Variants in DMD observed in about 807,000 individuals in gnomAD.
The protein encoded by DMD is dystrophin.
DMD carries 63 observed loss-of-function variants against 330.1 expected under a neutral mutation model. The observed-to-expected ratio is 0.19, with a 90% CI of 0.16 to 0.24. DMD has a LOEUF of 0.24. Among genes scored for constraint, DMD ranks in the 10% least tolerant of loss-of-function variants. The probability of loss-of-function intolerance (pLI) is 1.00; values close to 1 mark genes in which losing one functional copy is unlikely to be tolerated. For synonymous variants in DMD, 1,223 were observed against 959.8 expected (o/e 1.27, Z -5.07); for missense variants, 3,344 against 2,684.1 (o/e 1.25, Z -5.43).
At chrX:31,576,289 T>C (rs1016042723) in intron 55 of DMD, among the ~76,000 whole-genome samples, 1 of 112,203 alleles carries the variant, frequency 8.9e-6, no homozygotes, top group Non-Finnish European at 1.9e-5. Context: ...TAGGCAAGTA[T>C]GTTTTATAGC....
chrX:31,479,916 TCGTGAGGTATAC>T (rs369781738), intron 57 of DMD, among the ~76,000 whole-genome samples: 5 of 111,876 alleles, frequency 4.5e-5, no homozygotes, highest in African/African-American at 1.6e-4. Context: ...GCTAAAAGGA[TCGTGAGGTATAC>T]CGTGAGCCTA....
chrX:32,655,384 T>A (rs1358179357), intron 9 of DMD, among the ~76,000 whole-genome samples: 6 of 112,488 alleles, frequency 5.3e-5, no homozygotes, highest in Non-Finnish European at 9.4e-5. Context: ...TCTGCCTTCA[T>A]TTCGTTATGT....
chrX:32,574,088 T>C (rs922675337), intron 13 of DMD, among the ~76,000 whole-genome samples: 1 of 111,924 alleles, frequency 8.9e-6, no homozygotes, highest in Non-Finnish European at 1.9e-5. Flanking sequence ...GTGGTTATTA[T>C]ACCACTATAT....
intron 12 of DMD, among the ~76,000 whole-genome samples, chrX:32,610,402 C>T (rs954698664): frequency 9.0e-6 from 1 of 111,033 alleles, no homozygotes; most frequent in Non-Finnish European, 1.9e-5. Flanking sequence ...TACCTAATTG[C>T]CAGGTTCAGT....
chrX:32,381,872 A>G (rs1309400111), intron 33 of DMD, among the ~76,000 whole-genome samples: 1 of 111,069 alleles, frequency 9.0e-6, no homozygotes, highest in East Asian at 2.8e-4. Context: ...CAGAAACAGC[A>G]TGATGGAATG....
chrX:32,708,463 A>G (rs1212774231), intron 7 of DMD, among the ~76,000 whole-genome samples: 18 of 111,546 alleles, frequency 1.6e-4, no homozygotes, highest in Non-Finnish European at 3.2e-4. Context: ...GAGTCATATT[A>G]GTATCTTGCA....
intron 7 of DMD, among the ~76,000 whole-genome samples, chrX:32,778,272 C>T (rs779381605): frequency 1.9e-5 from 2 of 106,244 alleles, no homozygotes; most frequent in African/African-American, 3.4e-5. Context: ...TATGGACTTT[C>T]GTCTAGGGTG....
At chrX:32,100,473 T>C (rs1426429197) in intron 44 of DMD, among the ~76,000 whole-genome samples, 1 of 109,812 alleles carries the variant, frequency 9.1e-6, no homozygotes, top group East Asian at 2.9e-4. Context: ...AGCCATGTTT[T>C]CTGTATTAAC....
At chrX:32,340,869 C>A (rs761082968) in intron 41 of DMD, among the ~76,000 whole-genome samples, 5 of 111,667 alleles carry the variant, frequency 4.5e-5, no homozygotes, top group Admixed American at 9.5e-5. Flanking sequence ...ACTTCACATG[C>A]AATACAGTTT....
intron 60 of DMD, among the ~76,000 whole-genome samples, chrX:31,423,575 T>C (rs765099146): frequency 1.8e-5 from 2 of 111,799 alleles, no homozygotes; most frequent in Non-Finnish European, 3.8e-5. Context: ...ACTAAATTAG[T>C]AACATGAGAT....
chrX:32,988,053 TTTC>T (rs1187535749), intron 2 of DMD, among the ~76,000 whole-genome samples: 5 of 110,989 alleles, frequency 4.5e-5, no homozygotes, highest in Non-Finnish European at 9.4e-5. Context: ...TAATATCGGT[TTTC>T]TTTTTTTACA....
intron 55 of DMD, among the ~76,000 whole-genome samples, chrX:31,627,247 A>G (rs769616117): frequency 8.8e-6 from 1 of 113,207 alleles, no homozygotes; most frequent in South Asian, 3.6e-4. Flanking sequence ...TTCAAAACAT[A>G]TTTGAAAGTA....
At chrX:32,265,260 A>G (rs1285861545) in intron 43 of DMD, among the ~76,000 whole-genome samples, 1 of 112,725 alleles carries the variant, frequency 8.9e-6, no homozygotes, top group Non-Finnish European at 1.9e-5. Context: ...GATAGAGCTC[A>G]GCCCATGGCT....
At chrX:31,700,002 A>T (rs1963240654) in intron 52 of DMD, among the ~76,000 whole-genome samples, 1 of 110,930 alleles carries the variant, frequency 9.0e-6, no homozygotes, top group Admixed American at 9.6e-5. Flanking sequence ...CCTGGCCAAG[A>T]TGGTGAAACC....
intron 9 of DMD, among the ~76,000 whole-genome samples, chrX:32,684,573 C>T (rs2147372093): frequency 9.0e-6 from 1 of 111,648 alleles, no homozygotes; most frequent in Admixed American, 9.6e-5. Context: ...TTTATTCTGT[C>T]ATAAGCCCTC....
chrX:32,134,593 A>G (rs1237542928), intron 44 of DMD, among the ~76,000 whole-genome samples: 1 of 111,638 alleles, frequency 9.0e-6, no homozygotes, highest in Non-Finnish European at 1.9e-5. Flanking sequence ...TCTAAAAAAA[A>G]GATAAAATAA....
intron 1 of DMD, among the ~76,000 whole-genome samples, chrX:33,167,802 T>C (rs754953647): frequency 9.0e-6 from 1 of 111,134 alleles, no homozygotes; most frequent in African/African-American, 3.2e-5. Flanking sequence ...CACTTCCCAT[T>C]TACCACTTAT....
At chrX:32,721,083 T>TGTGTGTGGGTGTGTGTGTGG (rs1285616762) in intron 7 of DMD, among the ~76,000 whole-genome samples, 2 of 111,514 alleles carry the variant, frequency 1.8e-5, no homozygotes, top group African/African-American at 6.5e-5. Flanking sequence ...TGTGTGTGTG[T>TGTGTGTGGGTGTGTGTGTGG]GTGTCACAAT....
At chrX:32,156,316 G>T (rs938259650) in intron 44 of DMD, among the ~76,000 whole-genome samples, 3 of 112,111 alleles carry the variant, frequency 2.7e-5, no homozygotes, top group Non-Finnish European at 5.6e-5. Context: ...GGAGGCAGTG[G>T]TTGCAGTGAG....
Sources: gnomAD v4.1 joint callset for allele counts (sites outside exome capture counted in the v4.1 genomes callset) on GRCh38, gnomAD v4.1.1 for gene constraint, MANE v1.5 for transcripts, NCBI Gene and HGNC (gene_info 2026-07-23, HGNC 2026-07-21) for gene names.